The following GPR35 variants were observed in gnomAD, a reference collection of about 807,000 sequenced individuals.
GPR35 encodes KYNA receptor.
For synonymous variants in GPR35, 207 were observed against 198.4 expected (o/e 1.04, Z -0.36); for missense variants, 372 against 422.5 (o/e 0.88, Z 1.05).
chr2:240,630,438 C>T lies in GPR35; in HGVS notation c.486C>T (p.Cys162=). The T allele has an allele frequency of 6.2e-7, 1 of 1,612,848 alleles. No homozygotes were observed. Residue 162 remains cysteine, a synonymous_variant, in exon 2 of 2, where the codon TGC becomes TGT. Coordinates refer to ENST00000407714, the MANE Select transcript of GPR35 (RefSeq NM_005301.5). The stretch of plus-strand genomic sequence containing the variant: ...TGGGGATTCAGGAGGGCGGCTTCTG[C>T]TTCAGGAGCACCCGGCACAATTTCA... ...WLLGIQEGGF[C]FRSTRHNFNS...
chr2:240,610,185 C>T (rs748803986), intron 2 of GPR35, among the ~76,000 whole-genome samples: 11 of 152,122 alleles, frequency 7.2e-5, no homozygotes, highest in Admixed American at 3.9e-4. Context: ...GTCTCAAGCT[C>T]CTGACCTTGT....
intron 5 of GPR35, chr2:240,619,167 A>C (rs2043267120): frequency 5.4e-6 from 3 of 553,858 alleles, no homozygotes; most frequent in Non-Finnish European, 9.7e-6. Flanking sequence ...GTGATATCCG[A>C]GGACGTCTTT....
intron 2 of GPR35, chr2:240,616,310 TC>T: frequency 1.5e-6 from 1 of 679,132 alleles, no homozygotes. Flanking sequence ...GCATACGAGG[TC>T]CCCGCGGTCC....
Position 240,630,543 on chromosome 2 carries a change from C to T in GPR35, c.591C>T (p.Ala197=), listed in dbSNP as rs1235220960. ...TCTGCTCCCTGAAGGTGGTGACTGC[C>T]CTGGCCCAGAGGCCACCCACCGACG... ...VVFCSLKVVT[A]LAQRPPTDVG... The change falls in exon 2 of 2, where the codon GCC becomes GCT. Residue 197 remains alanine, a synonymous_variant. Coordinates refer to ENST00000407714, the MANE Select transcript of GPR35 (RefSeq NM_005301.5). 6.2e-7 allele frequency: 1 copy of T among 1,612,916 alleles called. No homozygotes were observed. Among genetic ancestry groups the T allele is most frequent in the South Asian group, 1.1e-5 (1 of 91,086 alleles).
chr2:240,609,227 C>A (rs1397165077), intron 2 of GPR35, among the ~76,000 whole-genome samples: 1 of 151,118 alleles, frequency 6.6e-6, no homozygotes, highest in Non-Finnish European at 1.5e-5. Flanking sequence ...TTCACTCTTT[C>A]TTATTTCTTC....
At chr2:240,623,053 C>CCT (rs1559437203), upstream of GPR35, among the ~76,000 whole-genome samples, 7 of 119,336 alleles carry the variant, frequency 5.9e-5, no homozygotes, top group Non-Finnish European at 1.1e-4. Flanking sequence ...GGACCCCAGG[C>CCT]GACCGTGCCT....
chr2:240,614,849 A>T (rs1033443219), intron 2 of GPR35, among the ~76,000 whole-genome samples: 2 of 152,052 alleles, frequency 1.3e-5, no homozygotes, highest in East Asian at 1.9e-4. Flanking sequence ...GTATGTGTAT[A>T]TATCTATGTA....
At chr2:240,626,366 G>A (rs552709075) in intron 1 of GPR35, among the ~76,000 whole-genome samples, 4 of 150,984 alleles carry the variant, frequency 2.6e-5, no homozygotes, top group Non-Finnish European at 5.9e-5. Context: ...CGGGGTCTCA[G>A]AGTGGGGTGA....
At chr2:240,621,415 C>T (rs1320544350), upstream of GPR35, among the ~76,000 whole-genome samples, 1 of 152,034 alleles carries the variant, frequency 6.6e-6, no homozygotes, top group Admixed American at 6.5e-5. Flanking sequence ...CCACCACGCC[C>T]AGCTAATTTT....
upstream of GPR35, among the ~76,000 whole-genome samples, chr2:240,624,687 G>A (rs1316276036): frequency 6.6e-6 from 1 of 152,150 alleles, no homozygotes; most frequent in African/African-American, 2.4e-5. Context: ...CCCACGTTGA[G>A]GAGACGAGGC....
At position 240,631,342 on chromosome 2, in the gene GPR35, G is replaced by C. The variant is rs1036957250; in HGVS notation, c.*460G>C. 1 of 199,852 alleles carries C rather than the reference G, an allele frequency of 5.0e-6. No homozygotes were observed. Among genetic ancestry groups the C allele is most frequent in the African/African-American group, 2.4e-5 (1 of 42,434 alleles). 12.4% of individuals were successfully genotyped at this position (199,852 alleles called of 1,614,324 possible). On this transcript the variant is annotated 3_prime_UTR_variant, in exon 2 of 2. Transcript: ENST00000407714. ...TCAGAGGGCTGGCGGACATCTTCCA[G>C]GGACCCTTCGGGGCTCTTCACTTTG... is the stretch of plus-strand genomic sequence containing the variant.
intron 2 of GPR35, among the ~76,000 whole-genome samples, chr2:240,611,829 G>A (rs950486895): frequency 1.3e-5 from 2 of 152,158 alleles, no homozygotes; most frequent in African/African-American, 4.8e-5. Flanking sequence ...AGGGGTGACT[G>A]TTGAATGAAT....
intron 2 of GPR35, among the ~76,000 whole-genome samples, chr2:240,613,652 A>T (rs2043208137): frequency 6.6e-6 from 1 of 151,952 alleles, no homozygotes; most frequent in South Asian, 2.1e-4. Flanking sequence ...CCCTAACCCT[A>T]ACTCAATTCA....
intron 2 of GPR35, among the ~76,000 whole-genome samples, chr2:240,609,404 T>C (rs1025152534): frequency 6.6e-6 from 1 of 152,192 alleles, no homozygotes; most frequent in East Asian, 1.9e-4. Context: ...ACCGGAAAGT[T>C]GCATTTTTAT....
intron 2 of GPR35, among the ~76,000 whole-genome samples, chr2:240,612,694 C>T (rs908748635): frequency 9.2e-5 from 14 of 152,222 alleles, no homozygotes; most frequent in African/African-American, 3.1e-4. Context: ...CTGGCCTGAG[C>T]CGCACACGGC....
chr2:240,631,220 T>G lies in GPR35; in HGVS notation c.*338T>G, dbSNP rs1340471550. The G allele has an allele frequency of 6.0e-6, 2 of 332,232 alleles. No individual in the cohort carries two copies. Among genetic ancestry groups the G allele is most frequent in the Non-Finnish European group, 1.2e-5 (2 of 171,458 alleles). The allele number at this position is 332,232 out of a possible 1,614,324, so 20.6% of individuals were successfully genotyped here. ...CCTTGATGACACCTGCCGCTGCCCC[T>G]CGGGGCTGGAATAAAACTCCCCACC... On this transcript the variant is annotated 3_prime_UTR_variant, in exon 2 of 2. Coordinates refer to ENST00000407714, the MANE Select transcript of GPR35 (RefSeq NM_005301.5).
At chr2:240,624,017 G>A (rs571807884), upstream of GPR35, among the ~76,000 whole-genome samples, 1 of 151,492 alleles carries the variant, frequency 6.6e-6, no homozygotes, top group South Asian at 2.1e-4. Flanking sequence ...GGTGGGGGGG[G>A]TGGGGGAGCT....
chr2:240,620,616 C>T (rs763281616), upstream of GPR35, among the ~76,000 whole-genome samples: 9 of 152,196 alleles, frequency 5.9e-5, no homozygotes, highest in East Asian at 1.9e-4. Context: ...GCTCGTCCTG[C>T]GGTGGTGCCC....
At chr2:240,617,210 G>T in exon 4 of GPR35, 1 of 661,232 alleles carries the variant, frequency 1.5e-6, no homozygotes, top group Non-Finnish European at 2.7e-6. Flanking sequence ...ACAGCCACCT[G>T]GGGGAGCTGG....
Sources: allele counts gnomAD v4.1 joint callset (sites outside exome capture counted in the v4.1 genomes callset), GRCh38; gene constraint gnomAD v4.1.1; transcripts MANE v1.5; gene names NCBI Gene and HGNC (gene_info 2026-07-23, HGNC 2026-07-21).